The following TMEM272 variants were observed in gnomAD, a reference collection of about 807,000 sequenced individuals.
TMEM272 encodes the protein transmembrane protein 272, also known as long intergenic non-protein coding RNA 282.
TMEM272 carries 8 observed loss-of-function variants against 3.7 expected under a neutral mutation model. That is an observed-to-expected ratio of 2.17 (90% CI 1.27 to 3.91). The LOEUF (loss-of-function observed/expected upper bound fraction) is 3.91, where lower values mean the gene tolerates loss of function less well. TMEM272 is among the 30% of genes most tolerant of loss of function. The pLI is 0.00. For synonymous variants in TMEM272, 63 were observed against 39.8 expected, an observed-to-expected ratio of 1.58 and a Z score of -2.20; for missense variants, 166 against 91.5, an observed-to-expected ratio of 1.81 and a Z score of -3.32.
chr13:51,830,956 C>T (rs976168572), intron 2 of TMEM272, among the ~76,000 whole-genome samples: 2 of 151,878 alleles, frequency 1.3e-5, no homozygotes, highest in African/African-American at 2.4e-5. Flanking sequence ...TGCTCGAGGT[C>T]GAATGAGGCT....
the TMEM272 span, chr13:51,909,397 C>G: frequency 1.1e-6 from 1 of 875,486 alleles, no homozygotes; most frequent in Non-Finnish European, 1.9e-6. Flanking sequence ...GAAAGTTTCT[C>G]TTTCTCTAAC....
chr13:51,836,684 T>C (rs939489743), intron 2 of TMEM272, among the ~76,000 whole-genome samples: 2 of 152,170 alleles, frequency 1.3e-5, no homozygotes, highest in African/African-American at 4.8e-5. Context: ...GTACTGCTTG[T>C]CATCAAAATT....
chr13:51,922,023 A>G, the TMEM272 span, among the ~76,000 whole-genome samples: 1 of 152,100 alleles, frequency 6.6e-6, no homozygotes, highest in Non-Finnish European at 1.5e-5. Flanking sequence ...CATAACTGTC[A>G]AGACTTAACG....
chr13:51,904,098 G>C, the TMEM272 span, among the ~76,000 whole-genome samples: 1 of 152,186 alleles, frequency 6.6e-6, no homozygotes, highest in African/African-American at 2.4e-5. Flanking sequence ...TGCTAGGCAT[G>C]AGGTGGTTTT....
chr13:51,854,970 A>G, the TMEM272 span, among the ~76,000 whole-genome samples: 3 of 152,228 alleles, frequency 2.0e-5, no homozygotes, highest in African/African-American at 4.8e-5. Context: ...TTGGAACAAC[A>G]TGAGGAACTG....
chr13:51,870,447 G>C, the TMEM272 span, among the ~76,000 whole-genome samples: 2 of 152,208 alleles, frequency 1.3e-5, no homozygotes, highest in South Asian at 4.1e-4. Flanking sequence ...GCAAAGCCCA[G>C]AAGAAATGAG....
At chr13:51,877,200 TG>T in the TMEM272 span, among the ~76,000 whole-genome samples, 2 of 152,228 alleles carry the variant, frequency 1.3e-5, no homozygotes, top group African/African-American at 4.8e-5. Flanking sequence ...ATCATTTAAA[TG>T]CTGTGTAACT....
intron 2 of TMEM272, among the ~76,000 whole-genome samples, chr13:51,827,652 A>G (rs1956138484): frequency 6.6e-6 from 1 of 152,250 alleles, no homozygotes; most frequent in East Asian, 1.9e-4. Flanking sequence ...AGGATCTCTG[A>G]GTGAACCTCA....
rs1956029195 is a variant in TMEM272 at position 51,816,667 on chromosome 13, G to C, written c.*84C>G. 1.6e-6 allele frequency: 1 copy of C among 632,656 alleles called. No individual in the cohort carries two copies. The highest frequency in any genetic ancestry group is 2.7e-5 in the East Asian group (1 of 36,586). The allele number at this position is 632,656 out of a possible 1,614,324, so 39.2% of individuals were successfully genotyped here. On this transcript the variant is annotated 3_prime_UTR_variant, in exon 5 of 5. Coordinates refer to ENST00000629372, the MANE Select transcript of TMEM272 (RefSeq NM_001351003.2). ...CTTCTCTGAACCTGTGTGTGTGTGTGTGTGTGTGTGCGTCTGTGTGTCTGT... is the reference window on the plus strand; with the variant it reads ...CTTCTCTGAACCTGTGTGTGTGTGTCTGTGTGTGTGCGTCTGTGTGTCTGT...
At position 51,815,132 on chromosome 13, in the gene TMEM272, G is replaced by C. The variant is rs896609682; in HGVS notation, c.*1619C>G. The C allele has an allele frequency of 2.0e-5, 3 of 152,962 alleles. No individual in the cohort carries two copies. The highest frequency in any genetic ancestry group is 4.1e-4 in the South Asian group (2 of 4,836). The allele number at this position is 152,962 out of a possible 1,614,324, so 9.5% of individuals were successfully genotyped here. ...GACTCTCCCCAGTCCCCAACACAGA[G>C]AGGGCAACGTGGGACACAGTGAGGA... On this transcript the variant is annotated 3_prime_UTR_variant, in exon 5 of 5. Transcript: ENST00000629372.
the TMEM272 span, chr13:51,910,684 G>T: frequency 2.3e-6 from 1 of 430,944 alleles, no homozygotes. Flanking sequence ...ACAATAAGCG[G>T]CAGAGAATAC....
the TMEM272 span, among the ~76,000 whole-genome samples, chr13:51,907,105 G>A: frequency 2.6e-5 from 4 of 152,190 alleles, no homozygotes; most frequent in Non-Finnish European, 5.9e-5. Context: ...TTTGACCCAT[G>A]GGATGCAGCA....
the TMEM272 span, among the ~76,000 whole-genome samples, chr13:51,926,479 G>A: frequency 2.0e-5 from 3 of 152,134 alleles, no homozygotes; most frequent in African/African-American, 7.2e-5. Flanking sequence ...AGGTGAGGGC[G>A]TAATCAGAGT....
the TMEM272 span, among the ~76,000 whole-genome samples, chr13:51,875,975 T>C: frequency 6.6e-6 from 1 of 152,254 alleles, no homozygotes; most frequent in Admixed American, 6.5e-5. Flanking sequence ...CTCTCCTAGC[T>C]ACTTTTCCCT....
the TMEM272 span, among the ~76,000 whole-genome samples, chr13:51,879,097 G>C: frequency 3.9e-5 from 6 of 152,316 alleles, no homozygotes; most frequent in South Asian, 1.0e-3. Flanking sequence ...TGGTCAATGG[G>C]AACGTAAGCA....
chr13:51,850,472 A>G, the TMEM272 span, among the ~76,000 whole-genome samples: 2 of 152,224 alleles, frequency 1.3e-5, no homozygotes, highest in Non-Finnish European at 2.9e-5. Flanking sequence ...ACTTACATCA[A>G]TGAGCAATTA....
the TMEM272 span, among the ~76,000 whole-genome samples, chr13:51,916,600 A>T: frequency 6.6e-6 from 1 of 152,188 alleles, no homozygotes; most frequent in Non-Finnish European, 1.5e-5. Flanking sequence ...CCATCCGAGC[A>T]TGGACTGACC....
At chr13:51,840,888 C>T (rs981741630) in intron 1 of TMEM272, among the ~76,000 whole-genome samples, 10 of 152,218 alleles carry the variant, frequency 6.6e-5, no homozygotes, top group African/African-American at 1.7e-4. Context: ...TCCTTTGACT[C>T]GGGATTCTAC....
At chr13:51,881,407 G>A in the TMEM272 span, among the ~76,000 whole-genome samples, 2 of 152,054 alleles carry the variant, frequency 1.3e-5, no homozygotes. Flanking sequence ...GGACTAGAAA[G>A]GCGGCAGGAG....
Sources: gnomAD v4.1 joint callset for allele counts (sites outside exome capture counted in the v4.1 genomes callset) on GRCh38, gnomAD v4.1.1 for gene constraint, MANE v1.5 for transcripts, NCBI Gene and HGNC (gene_info 2026-07-23, HGNC 2026-07-21) for gene names.